The following KCNJ15 variants were observed in gnomAD, a reference collection of about 807,000 sequenced individuals.
KCNJ15 encodes the protein potassium inwardly rectifying channel subfamily J member 15.
Under a neutral mutation model 23.0 loss-of-function variants are expected in KCNJ15, and 14 were observed. The observed-to-expected ratio is 0.61, with a 90% confidence interval of 0.40 to 0.95. The LOEUF (loss-of-function observed/expected upper bound fraction) is 0.95. Among genes scored for constraint, KCNJ15 ranks in the 40% least tolerant of loss-of-function variants. The probability of loss-of-function intolerance (pLI) is 0.00; values close to 1 mark genes in which losing one functional copy is unlikely to be tolerated. For synonymous variants in KCNJ15, 185 were observed against 183.2 expected (o/e 1.01, Z -0.08); for missense variants, 388 against 461.8 (o/e 0.84, Z 1.46).
At chr21:38,246,418 C>T (rs1979378907) in intron 1 of KCNJ15, among the ~76,000 whole-genome samples, 1 of 152,182 alleles carries the variant, frequency 6.6e-6, no homozygotes, top group Admixed American at 6.5e-5. Flanking sequence ...CTGTGGAATG[C>T]AGGCCAAAAG....
intron 1 of KCNJ15, among the ~76,000 whole-genome samples, chr21:38,269,769 A>C (rs2123640252): frequency 6.6e-6 from 1 of 152,290 alleles, no homozygotes; most frequent in African/African-American, 2.4e-5. Context: ...ACAGAGAGCA[A>C]GTTTTGCACG....
intron 1 of KCNJ15, among the ~76,000 whole-genome samples, chr21:38,271,927 A>G (rs1438970309): frequency 2.0e-5 from 3 of 152,186 alleles, no homozygotes; most frequent in African/African-American, 7.2e-5. Flanking sequence ...CCACCGTTAG[A>G]GGCTGCTTTA....
intron 1 of KCNJ15, chr21:38,238,740 A>G (rs1382655257): frequency 7.9e-6 from 3 of 379,892 alleles, no homozygotes; most frequent in Non-Finnish European, 1.5e-5. Flanking sequence ...TGTTTTCCCC[A>G]CTGGAAGGAA....
chr21:38,258,033 T>G (rs1442669715), intron 1 of KCNJ15, among the ~76,000 whole-genome samples: 1 of 152,132 alleles, frequency 6.6e-6, no homozygotes, highest in African/African-American at 2.4e-5. Flanking sequence ...TTAATTCAAA[T>G]GTTTAGATTT....
rs777085472 is a variant in KCNJ15, at chr21:38,282,306, C to T, written c.-116-14620C>T. 2.3e-4 allele frequency among the ~76,000 whole-genome samples: 35 copies of T among 151,990 alleles called. 1 individual carries two copies. The highest frequency in any genetic ancestry group is 7.5e-4 in the African/African-American group (31 of 41,336). On this transcript the variant is annotated intron_variant, in intron 1 of 2. Coordinates refer to ENST00000398938, the MANE Select transcript of KCNJ15 (RefSeq NM_170736.3). ...TCTGGTGTAAAGAAGCAAACAGAGC[C>T]GAAAGGAATCTTAGAACTCTTTGTC...
At chr21:38,251,356 T>C (rs1050976110) in intron 1 of KCNJ15, among the ~76,000 whole-genome samples, 2 of 152,194 alleles carry the variant, frequency 1.3e-5, no homozygotes, top group Non-Finnish European at 2.9e-5. Flanking sequence ...AAAGTTCAAT[T>C]TGAATAAGGC....
At chr21:38,280,968 T>C (rs1983270273) in intron 1 of KCNJ15, among the ~76,000 whole-genome samples, 1 of 152,166 alleles carries the variant, frequency 6.6e-6, no homozygotes. Context: ...CAGTACCGTG[T>C]TGTCCAGATG....
chr21:38,268,183 G>A (rs975376048), intron 1 of KCNJ15, among the ~76,000 whole-genome samples: 49 of 152,176 alleles, frequency 3.2e-4, no homozygotes, highest in Non-Finnish European at 6.3e-4. Flanking sequence ...CCTTTCATAA[G>A]ACCAGCAGCC....
intron 1 of KCNJ15, among the ~76,000 whole-genome samples, chr21:38,231,726 T>C (rs893451609): frequency 9.9e-5 from 15 of 151,858 alleles, no homozygotes; most frequent in Non-Finnish European, 2.2e-4. Flanking sequence ...TGACCACGTG[T>C]TTTTTTGTTC....
chr21:38,236,301 C>T (rs891147377), intron 1 of KCNJ15, among the ~76,000 whole-genome samples: 1 of 152,212 alleles, frequency 6.6e-6, no homozygotes, highest in Non-Finnish European at 1.5e-5. Context: ...ATAAACATAA[C>T]AAAAGCTTTG....
At chr21:38,234,767 T>C (rs1269745888) in intron 1 of KCNJ15, among the ~76,000 whole-genome samples, 1 of 152,254 alleles carries the variant, frequency 6.6e-6, no homozygotes, top group Non-Finnish European at 1.5e-5. Flanking sequence ...TAAAGACATC[T>C]TTTTTCAGAA....
intron 1 of KCNJ15, among the ~76,000 whole-genome samples, chr21:38,231,857 A>C (rs1437657589): frequency 6.6e-6 from 1 of 151,806 alleles, no homozygotes; most frequent in Non-Finnish European, 1.5e-5. Flanking sequence ...GTATGTATCC[A>C]TATTTAATTT....
chr21:38,287,314 G>A (rs554699221), intron 1 of KCNJ15, among the ~76,000 whole-genome samples: 5 of 152,140 alleles, frequency 3.3e-5, no homozygotes, highest in Non-Finnish European at 4.4e-5. Context: ...GGGAAAATCT[G>A]GATTGTTTTT....
intron 1 of KCNJ15, among the ~76,000 whole-genome samples, chr21:38,269,903 C>G (rs530861390): frequency 7.2e-5 from 11 of 152,096 alleles, no homozygotes; most frequent in Admixed American, 3.9e-4. Flanking sequence ...CTGTGGGATG[C>G]CCCTACTTGT....
At chr21:38,269,908 A>G (rs1275278336) in intron 1 of KCNJ15, among the ~76,000 whole-genome samples, 3 of 151,922 alleles carry the variant, frequency 2.0e-5, no homozygotes, top group Non-Finnish European at 2.9e-5. Flanking sequence ...GGATGCCCCT[A>G]CTTGTATCAT....
intron 1 of KCNJ15, among the ~76,000 whole-genome samples, chr21:38,276,594 A>G (rs890104799): frequency 5.3e-5 from 8 of 152,100 alleles, no homozygotes; most frequent in Non-Finnish European, 1.0e-4. Flanking sequence ...AGAAAAGAGA[A>G]CTATTGGGCA....
At chr21:38,279,908 C>T (rs1983136146) in intron 1 of KCNJ15, among the ~76,000 whole-genome samples, 1 of 152,138 alleles carries the variant, frequency 6.6e-6, no homozygotes, top group Non-Finnish European at 1.5e-5. Context: ...CAACTGGGGT[C>T]CCACTCTCAA....
At chr21:38,281,733 C>A (rs11700410) in intron 1 of KCNJ15, among the ~76,000 whole-genome samples, 4,426 of 150,492 alleles carry the variant, frequency 0.029, 83 homozygotes, top group Non-Finnish European at 0.038. Context: ...GGTGAACATA[C>A]AAATGCATGT....
At position 38,290,179 on chromosome 21, in the gene KCNJ15, A is replaced by C. The variant is rs73426683; in HGVS notation, c.-116-6747A>C. ...ACCTCTGGCTTATTCCAGTGCTCAG[A>C]TTCTTTGCCATGGAAAATGGCAAAT... On this transcript the variant is annotated intron_variant, in intron 1 of 2. Coordinates refer to ENST00000398938, the MANE Select transcript of KCNJ15 (RefSeq NM_170736.3). 6.6e-3 allele frequency among the ~76,000 whole-genome samples: 1,007 copies of C among 152,334 alleles called. 18 individuals carry two copies. Among genetic ancestry groups the C allele is most frequent in the African/African-American group, 0.023 (951 of 41,574 alleles).
Sources: allele counts gnomAD v4.1 joint callset (sites outside exome capture counted in the v4.1 genomes callset), GRCh38; gene constraint gnomAD v4.1.1; transcripts MANE v1.5; gene names NCBI Gene and HGNC (gene_info 2026-07-23, HGNC 2026-07-21).